PLA1A: variants seen among roughly 807,000 people sequenced by gnomAD.
The protein encoded by PLA1A is phospholipase A1 member A, also known as phosphatidylserine-specific phospholipase A1alpha.
In PLA1A, 47 loss-of-function variants were observed where a neutral mutation model predicts 49.4. The observed-to-expected ratio is 0.95, with a 90% CI of 0.75 to 1.21. PLA1A has a LOEUF of 1.21. Among genes scored for constraint, PLA1A ranks in the 50% most tolerant of loss-of-function variants. PLA1A has a pLI of 0.00. For synonymous variants in PLA1A, 224 were observed against 207.9 expected, an observed-to-expected ratio of 1.08 and a Z score of -0.67; for missense variants, 561 against 563.9, an observed-to-expected ratio of 0.99 and a Z score of 0.05.
intron 9 of PLA1A, 32 bp from the exon 10 acceptor site, chr3:119,628,669 T>C (rs1227727511): frequency 6.2e-7 from 1 of 1,606,524 alleles, no homozygotes; most frequent in Non-Finnish European, 8.5e-7. Flanking sequence ...AGGGCTACAG[T>C]CATTTACTTT....
At chr3:119,610,667 T>A (rs1280907607) in intron 4 of PLA1A, among the ~76,000 whole-genome samples, 1 of 152,206 alleles carries the variant, frequency 6.6e-6, no homozygotes, top group Non-Finnish European at 1.5e-5. Flanking sequence ...TATTTGTTTT[T>A]TTCTTGTTGA....
chr3:119,604,380 TA>T (rs918927117), intron 1 of PLA1A, among the ~76,000 whole-genome samples: 6 of 150,184 alleles, frequency 4.0e-5, no homozygotes, highest in Non-Finnish European at 7.4e-5. Context: ...AATGAATGAA[TA>T]AAAAAAAAGA....
At chr3:119,619,295 A>G (rs1296736842) in intron 7 of PLA1A, among the ~76,000 whole-genome samples, 1 of 152,262 alleles carries the variant, frequency 6.6e-6, no homozygotes, top group Non-Finnish European at 1.5e-5. Context: ...AGTTAGAGAC[A>G]GATTAGTGTC....
chr3:119,616,903 A>C (rs542822335), intron 6 of PLA1A, among the ~76,000 whole-genome samples: 20 of 152,364 alleles, frequency 1.3e-4, no homozygotes, highest in African/African-American at 4.6e-4. Flanking sequence ...TCATAACACA[A>C]CTTGAGAAGG....
intron 8 of PLA1A, chr3:119,619,934 T>A (rs2082906317): frequency 2.2e-6 from 1 of 458,698 alleles, no homozygotes; most frequent in Non-Finnish European, 4.1e-6. Flanking sequence ...TGTTTAGGAG[T>A]GTCCTCCGGC....
chr3:119,618,036 T>C lies in PLA1A; in HGVS notation c.772T>C (p.Cys258Arg), dbSNP rs895394764. 1.9e-6 allele frequency: 3 copies of C among 1,612,508 alleles called. No individual in the cohort carries two copies. The highest frequency in any genetic ancestry group is 2.5e-6 in the Non-Finnish European group (3 of 1,179,192). ...FFYAGYSYLI[C>R]DHMRAVHLYI... ...CTGTTCAGGTTATAGTTATCTGATC[T>C]GTGATCACATGAGGGCTGTGCACCT... Residue 258 changes from cysteine to arginine, a missense_variant, in exon 7 of 11, where the codon TGT becomes CGT. By Grantham distance (180) the Cys-to-Arg change is radical. Transcript: ENST00000273371.
Position 119,613,238 on chromosome 3 carries a change from A to T in PLA1A, c.664+120A>T. ...CTGACCCTCTCTGAGCTTCTGTTGC[A>T]CAGTGAAGAGTTTACCAAAATGCTA... On this transcript the variant is annotated intron_variant, in intron 5 of 10. Transcript: ENST00000273371. 7.8e-6 allele frequency: 5 copies of T among 637,070 alleles called. No individual in the cohort carries two copies. The South Asian group carries it at 9.7e-5, about 12-fold the overall frequency. 39.5% of individuals were successfully genotyped at this position (637,070 alleles called of 1,614,324 possible). A position where few individuals can be genotyped will look rare whatever the true frequency, so the allele number is the denominator to read the frequency against.
chr3:119,617,992 C>T lies in PLA1A; in HGVS notation c.755-27C>T, dbSNP rs143661120. 2.0e-3 allele frequency: 3,194 copies of T among 1,566,320 alleles called. 3 individuals carry two copies. Among genetic ancestry groups the T allele is most frequent in the Non-Finnish European group, 2.5e-3 (2,903 of 1,151,510 alleles). Reference sequence around the variant, plus strand: ...AGATTTCCATTTGTCTTGACTGAAACCTTGGTTGTGTTTTTTCTCTGTTCA... The same window carrying T: ...AGATTTCCATTTGTCTTGACTGAAATCTTGGTTGTGTTTTTTCTCTGTTCA... On this transcript the variant is annotated intron_variant, in intron 6 of 10. Transcript: ENST00000273371.
chr3:119,624,451 A>G (rs2082988376), intron 8 of PLA1A, among the ~76,000 whole-genome samples: 1 of 152,218 alleles, frequency 6.6e-6, no homozygotes, highest in South Asian at 2.1e-4. Context: ...ATAGCCGTAT[A>G]TGATAGATGC....
rs759552844 is a variant in PLA1A at position 119,613,102 on chromosome 3, C to T, written c.648C>T (p.Ile216=). 6.2e-7 allele frequency: 1 copy of T among 1,606,228 alleles called. No individual in the cohort carries two copies. Among genetic ancestry groups the T allele is most frequent in the Non-Finnish European group, 8.5e-7 (1 of 1,175,642 alleles). ...GAGATGCCCTCTTCGTGGAAGCCAT[C>T]CACACAGACACCGACAGTGAGCTGG... The part of the protein sequence containing the change: ...DAGDALFVEA[I]HTDTDNLGIR... Residue 216 remains isoleucine (I), a synonymous_variant, in exon 5 of 11, where the codon ATC becomes ATT. Transcript: ENST00000273371.
chr3:119,609,444 A>T (rs998949210), intron 3 of PLA1A, 24 bp from the exon 4 acceptor site: 2 of 1,419,678 alleles, frequency 1.4e-6, no homozygotes, highest in East Asian at 2.3e-5. Context: ...GCCCACGGGG[A>T]ACTCACTGTT....
In PLA1A at chr3:119,625,144, T is replaced by A; in HGVS notation, c.1033T>A (p.Phe345Ile). Residue 345 changes from phenylalanine (F) to isoleucine (I), a missense_variant, in exon 9 of 11, where the codon TTT (phenylalanine) becomes ATT (isoleucine). Transcript: ENST00000273371. ...PYCMHHSLVE[F>I]HLKELRNKDT... is the part of the protein sequence containing the mutation. ...CCTAGTGCATCACAGCCTCGTGGAG[T>A]TTCACTTGAAGGAACTGAGAAACAA... 1 of 1,613,040 alleles carries A rather than the reference T, an allele frequency of 6.2e-7. No homozygotes were observed. Among genetic ancestry groups the A allele is most frequent in the Non-Finnish European group, 8.5e-7 (1 of 1,179,198 alleles).
At chr3:119,599,206 T>C (rs761235106) in intron 1 of PLA1A, among the ~76,000 whole-genome samples, 5 of 152,162 alleles carry the variant, frequency 3.3e-5, no homozygotes, top group Non-Finnish European at 5.9e-5. Flanking sequence ...CTAGAGATGA[T>C]CCTTACCAGA....
chr3:119,621,934 G>T (rs1454829066), intron 8 of PLA1A, among the ~76,000 whole-genome samples: 1 of 152,130 alleles, frequency 6.6e-6, no homozygotes, highest in Non-Finnish European at 1.5e-5. Flanking sequence ...GAAGAAAGAA[G>T]TAGGCCAGGT....
Position 119,627,004 on chromosome 3 carries a change from C to T in PLA1A, c.1122-1697C>T, listed in dbSNP as rs116882776. On this transcript the variant is annotated intron_variant, in intron 9 of 10. Coordinates refer to ENST00000273371, the MANE Select transcript of PLA1A (RefSeq NM_015900.4). ...AAAATGACCCACAACCCTGACTGCA[C>T]GTTAGAATCACCTGGAGAGCTTTAA... is the stretch of plus-strand genomic sequence containing the variant. Among the ~76,000 whole-genome samples the T allele has an allele frequency of 1.8e-4, 27 of 152,306 alleles. No individual in the cohort carries two copies. In the East Asian group the frequency reaches 3.5e-3, roughly 20 times the overall value.
At chr3:119,604,698 A>T (rs1290305723) in intron 1 of PLA1A, among the ~76,000 whole-genome samples, 1 of 152,146 alleles carries the variant, frequency 6.6e-6, no homozygotes, top group Non-Finnish European at 1.5e-5. Flanking sequence ...TAAAGATGAT[A>T]ATTTATATTC....
intron 5 of PLA1A, among the ~76,000 whole-genome samples, chr3:119,615,027 C>T (rs2082826416): frequency 1.3e-5 from 2 of 152,172 alleles, no homozygotes; most frequent in African/African-American, 2.4e-5. Flanking sequence ...GCTGACTAGA[C>T]TCATGATGGG....
chr3:119,620,556 A>G (rs2082915448), intron 8 of PLA1A, among the ~76,000 whole-genome samples: 1 of 152,180 alleles, frequency 6.6e-6, no homozygotes, highest in Admixed American at 6.5e-5. Flanking sequence ...TCTGAACTCT[A>G]TATCCTTATG....
At chr3:119,600,297 G>A (rs2082600239) in intron 1 of PLA1A, 1 of 687,250 alleles carries the variant, frequency 1.5e-6, no homozygotes, top group East Asian at 2.7e-5. Context: ...TCCTTGGACT[G>A]TGGAGCTTTA....
Sources: allele counts gnomAD v4.1 joint callset (sites outside exome capture counted in the v4.1 genomes callset), GRCh38; gene constraint gnomAD v4.1.1; transcripts MANE v1.5; gene names NCBI Gene and HGNC (gene_info 2026-07-23, HGNC 2026-07-21).